Variants in PRADC1 observed in about 807,000 individuals in gnomAD.
PRADC1 encodes the protein protease-associated domain-containing protein 1.
A neutral mutation model predicts 22.9 loss-of-function variants in PRADC1; 23 were observed. That is an observed-to-expected ratio of 1.00 (90% CI 0.72 to 1.42). The LOEUF (loss-of-function observed/expected upper bound fraction) is 1.42. PRADC1 is among the 40% of genes most tolerant of loss of function. PRADC1 has a pLI of 0.00. For missense variants in PRADC1, 207 were observed against 258.3 expected (o/e 0.80, Z 1.36); for synonymous variants, 71 against 100.3 (o/e 0.71, Z 1.75).
In PRADC1 at chr2:73,228,357, T is replaced by C. The variant is rs954044954; in HGVS notation, c.*97A>G. The C allele has an allele frequency of 2.0e-6, 3 of 1,486,894 alleles. No homozygotes were observed. In the African/African-American group the frequency reaches 4.2e-5, roughly 21 times the overall value. 92.1% of individuals were successfully genotyped at this position (1,486,894 alleles called of 1,614,324 possible). ...CTTTTCCTCTACCTGGCTCCACTTG[T>C]CCCCAGATGCTATCTCCAAATTCCA... On this transcript the variant is annotated 3_prime_UTR_variant, in exon 5 of 5. Coordinates refer to ENST00000258083, the MANE Select transcript of PRADC1 (RefSeq NM_032319.3). The surrounding 1 kb of genome is among the most constrained non-coding windows in gnomAD (Gnocchi z 4.0).
Position 73,228,111 on chromosome 2 carries a change from T to G in PRADC1, c.*343A>C. 3.2e-6 allele frequency: 1 copy of G among 316,090 alleles called. No homozygotes were observed. The allele number at this position is 316,090 out of a possible 1,614,324, so 19.6% of individuals were successfully genotyped here. ...CTCCAACAACTGCTGTGAAGGTCAC[T>G]GTGCAGAGACCCTGGGTAGGGGAGG... On this transcript the variant is annotated 3_prime_UTR_variant, in exon 5 of 5. Coordinates refer to ENST00000258083, the MANE Select transcript of PRADC1 (RefSeq NM_032319.3). This position sits in a 1 kb window ranked among gnomAD's most constrained non-coding sequence, Gnocchi z 4.0.
chr2:73,228,352 A>T lies in PRADC1; in HGVS notation c.*102T>A. The T allele has an allele frequency of 6.9e-7, 1 of 1,459,830 alleles. No homozygotes were observed. The highest frequency in any genetic ancestry group is 9.4e-7 in the Non-Finnish European group (1 of 1,064,964). The allele number at this position is 1,459,830 out of a possible 1,614,324, so 90.4% of individuals were successfully genotyped here. ...AAACCCTTTTCCTCTACCTGGCTCCACTTGTCCCCAGATGCTATCTCCAAA... is the reference window on the plus strand; with the variant it reads ...AAACCCTTTTCCTCTACCTGGCTCCTCTTGTCCCCAGATGCTATCTCCAAA... On this transcript the variant is annotated 3_prime_UTR_variant, in exon 5 of 5. Coordinates refer to ENST00000258083, the MANE Select transcript of PRADC1 (RefSeq NM_032319.3). This position sits in a 1 kb window ranked among gnomAD's most constrained non-coding sequence, Gnocchi z 4.0.
At chr2:73,233,257 G>T, upstream of PRADC1, 3 of 790,848 alleles carry the variant, frequency 3.8e-6, no homozygotes, top group Non-Finnish European at 5.5e-6. Flanking sequence ...CCGGCCTCCC[G>T]CCCACATACC....
At position 73,228,409 on chromosome 2, in the gene PRADC1, T is replaced by C; in HGVS notation, c.*45A>G. The C allele has an allele frequency of 6.2e-7, 1 of 1,611,190 alleles. No homozygotes were observed. Among genetic ancestry groups the C allele is most frequent in the Non-Finnish European group, 8.5e-7 (1 of 1,179,116 alleles). On this transcript the variant is annotated 3_prime_UTR_variant, in exon 5 of 5. Coordinates refer to ENST00000258083, the MANE Select transcript of PRADC1 (RefSeq NM_032319.3). This position sits in a 1 kb window ranked among gnomAD's most constrained non-coding sequence, Gnocchi z 4.0. ...GTAGCAAAATTCCTGGGTTTCCCCT[T>C]CCCAGCTCAGAGTCACTTATGGCTG...
chr2:73,233,212 C>T lies in PRADC1; in HGVS notation c.-52G>A, dbSNP rs915303607. 4.9e-6 allele frequency: 6 copies of T among 1,219,042 alleles called. No homozygotes were observed. Among genetic ancestry groups the T allele is most frequent in the African/African-American group, 1.6e-5 (1 of 62,216 alleles). The allele number at this position is 1,219,042 out of a possible 1,614,324, so 75.5% of individuals were successfully genotyped here. ...CGCGTTTCCTCTCGCCGCCCCGCCG[C>T]GCGTCGCTCGCAGGACTTCAGCCTG... On this transcript the variant is annotated 5_prime_UTR_variant, in exon 1 of 5. Transcript: ENST00000258083.
chr2:73,228,988 A>C lies in PRADC1; in HGVS notation c.279-26T>G. The C allele has an allele frequency of 1.2e-6, 2 of 1,610,050 alleles. No homozygotes were observed. The highest frequency in any genetic ancestry group is 1.7e-6 in the Non-Finnish European group (2 of 1,178,460). On this transcript the variant is annotated intron_variant, in intron 3 of 4. Transcript: ENST00000258083. The surrounding 1 kb of genome is among the most constrained non-coding windows in gnomAD (Gnocchi z 4.0). ...CTGGAAGAGGTGGTGATAAGACCAA[A>C]GGAAAGACAGGTCCTAGCTCCCCCT... is the stretch of plus-strand genomic sequence containing the variant.
chr2:73,232,948 C>G, intron 1 of PRADC1, 146 bp downstream of exon 1: 1 of 827,308 alleles, frequency 1.2e-6, no homozygotes, highest in Non-Finnish European at 1.8e-6. Context: ...GGACCACCAC[C>G]CACTTATTCC....
Position 73,228,868 on chromosome 2 carries a change from A to AGAAGCTGTCATCTCCACGTG in PRADC1, c.372_373insCACGTGGAGATGACAGCTTC (p.Tyr125HisfsTer11). ...GTACTGTCCTGGATCATCTCCACGT[A>AGAAGCTGTCATCTCCACGTG]GAAGCTGTCATTGTCAACTGCGTTG... On this transcript the variant is annotated frameshift_variant, in exon 4 of 5. Transcript: ENST00000258083. LOFTEE classifies it high-confidence loss of function. This position sits in a 1 kb window ranked among gnomAD's most constrained non-coding sequence, Gnocchi z 4.0. 1.2e-6 allele frequency: 2 copies of AGAAGCTGTCATCTCCACGTG among 1,613,544 alleles called. No homozygotes were observed. The highest frequency in any genetic ancestry group is 1.7e-6 in the Non-Finnish European group (2 of 1,179,962).
Position 73,228,248 on chromosome 2 carries a change from T to C in PRADC1, c.*206A>G, listed in dbSNP as rs1173242221. On this transcript the variant is annotated 3_prime_UTR_variant, in exon 5 of 5. Transcript: ENST00000258083. The surrounding 1 kb of genome is among the most constrained non-coding windows in gnomAD (Gnocchi z 4.0). The stretch of plus-strand genomic sequence containing the variant: ...CCTGGGGCCTGTCTCTTGCCTCTTC[T>C]TGTAGCATGAGACACCCTTGGGGGC... The C allele has an allele frequency of 1.7e-6, 1 of 603,192 alleles. No individual in the cohort carries two copies. Among genetic ancestry groups the C allele is most frequent in the Admixed American group, 3.0e-5 (1 of 32,874 alleles). 37.4% of individuals were successfully genotyped at this position (603,192 alleles called of 1,614,324 possible). A position where few individuals can be genotyped will look rare whatever the true frequency, so the allele number is the denominator to read the frequency against.
chr2:73,228,319 C>T lies in PRADC1; in HGVS notation c.*135G>A. On this transcript the variant is annotated 3_prime_UTR_variant, in exon 5 of 5. Coordinates refer to ENST00000258083, the MANE Select transcript of PRADC1 (RefSeq NM_032319.3). The surrounding 1 kb of genome is among the most constrained non-coding windows in gnomAD (Gnocchi z 4.0). ...TGGTGTGGCTTCCCTTTCAGCCTAGCAACGCCCAAACCCTTTTCCTCTACC... is the reference window on the plus strand; with the variant it reads ...TGGTGTGGCTTCCCTTTCAGCCTAGTAACGCCCAAACCCTTTTCCTCTACC... The T allele has an allele frequency of 8.8e-7, 1 of 1,136,442 alleles. No individual in the cohort carries two copies. Among genetic ancestry groups the T allele is most frequent in the East Asian group, 2.6e-5 (1 of 38,644 alleles). 70.4% of individuals were successfully genotyped at this position (1,136,442 alleles called of 1,614,324 possible).
intron 1 of PRADC1, 56 bp from the exon 2 acceptor site, chr2:73,230,269 C>A (rs1686611636): frequency 7.8e-7 from 1 of 1,287,592 alleles, no homozygotes; most frequent in Admixed American, 1.8e-5. Context: ...GGTTCAGGTT[C>A]AGATCCCAGA....
At chr2:73,231,341 T>G (rs1026386198) in intron 1 of PRADC1, among the ~76,000 whole-genome samples, 1 of 152,072 alleles carries the variant, frequency 6.6e-6, no homozygotes, top group South Asian at 2.1e-4. Flanking sequence ...GGATGGTCTC[T>G]ATCTCCTGAC....
chr2:73,231,240 C>T (rs1008180266), intron 1 of PRADC1, among the ~76,000 whole-genome samples: 4 of 152,186 alleles, frequency 2.6e-5, no homozygotes, highest in African/African-American at 9.7e-5. Context: ...CTGCCTCAGC[C>T]TCCGGAGTAG....
At chr2:73,232,355 AAAAG>A (rs1190411924) in intron 1 of PRADC1, among the ~76,000 whole-genome samples, 1 of 152,044 alleles carries the variant, frequency 6.6e-6, no homozygotes, top group African/African-American at 2.4e-5. Flanking sequence ...AAAAAAGAAA[AAAAG>A]AAAACTGCTG....
intron 1 of PRADC1, 24 bp downstream of exon 1, chr2:73,233,070 G>T: frequency 6.5e-7 from 1 of 1,533,034 alleles, no homozygotes; most frequent in Non-Finnish European, 8.7e-7. Flanking sequence ...GCCCTGCAAC[G>T]CAGTCCCACC....
chr2:73,228,437 A>T lies in PRADC1; in HGVS notation c.*17T>A, dbSNP rs1686558360. ...CAGCTCAGAGTCACTTATGGCTGGA[A>T]TGTGGGACAAACTCTTCTACCAGAA... On this transcript the variant is annotated 3_prime_UTR_variant, in exon 5 of 5. Coordinates refer to ENST00000258083, the MANE Select transcript of PRADC1 (RefSeq NM_032319.3). The surrounding 1 kb of genome is among the most constrained non-coding windows in gnomAD (Gnocchi z 4.0). 1 of 1,613,444 alleles carries T rather than the reference A, an allele frequency of 6.2e-7. No individual in the cohort carries two copies.
intron 2 of PRADC1, 70 bp downstream of exon 2, chr2:73,230,043 G>A (rs1450670791): frequency 8.6e-6 from 9 of 1,052,574 alleles, no homozygotes; most frequent in Non-Finnish European, 1.3e-5. Flanking sequence ...TGGGATGAGA[G>A]GGTCACTGCA....
chr2:73,229,336 A>G (rs1334027591), intron 3 of PRADC1, 125 bp downstream of exon 3: 2 of 765,484 alleles, frequency 2.6e-6, no homozygotes, highest in Non-Finnish European at 4.5e-6. Flanking sequence ...CAGGCTAGAC[A>G]TTTCTTAAAG....
Position 73,228,334 on chromosome 2 carries a change from T to C in PRADC1, c.*120A>G. On this transcript the variant is annotated 3_prime_UTR_variant, in exon 5 of 5. Coordinates refer to ENST00000258083, the MANE Select transcript of PRADC1 (RefSeq NM_032319.3). The surrounding 1 kb of genome is among the most constrained non-coding windows in gnomAD (Gnocchi z 4.0). ...TTCAGCCTAGCAACGCCCAAACCCTTTTCCTCTACCTGGCTCCACTTGTCC... is the reference window on the plus strand; with the variant it reads ...TTCAGCCTAGCAACGCCCAAACCCTCTTCCTCTACCTGGCTCCACTTGTCC... 3 of 1,332,462 alleles carry C rather than the reference T, an allele frequency of 2.3e-6. No individual in the cohort carries two copies. The highest frequency in any genetic ancestry group is 3.1e-6 in the Non-Finnish European group (3 of 962,866). 82.5% of individuals were successfully genotyped at this position (1,332,462 alleles called of 1,614,324 possible). A position where few individuals can be genotyped will look rare whatever the true frequency, so the allele number is the denominator to read the frequency against.
Sources: allele counts gnomAD v4.1 joint callset (sites outside exome capture counted in the v4.1 genomes callset), GRCh38; gene constraint gnomAD v4.1.1; non-coding constraint Gnocchi (gnomAD v3.1); transcripts MANE v1.5; gene names NCBI Gene and HGNC (gene_info 2026-07-23, HGNC 2026-07-21).